Variants in ALK observed in about 807,000 individuals in gnomAD.
ALK encodes ALK receptor tyrosine kinase, also known as ALK tyrosine kinase receptor.
Under a neutral mutation model 163.1 loss-of-function variants are expected in ALK, and 74 were observed. The observed-to-expected ratio is 0.45, with a 90% CI of 0.38 to 0.55. The LOEUF (loss-of-function observed/expected upper bound fraction) is 0.55, where lower values mean the gene tolerates loss of function less well. Among genes scored for constraint, ALK ranks in the 20% least tolerant of loss-of-function variants. The pLI is 0.00. For synonymous variants in ALK, 960 were observed against 843.2 expected (o/e 1.14, Z -2.40); for missense variants, 2,063 against 2,105.3 (o/e 0.98, Z 0.39).
At position 29,251,148 on chromosome 2, in the gene ALK, T is replaced by C; in HGVS notation, c.2161A>G (p.Lys721Glu). 1 of 1,614,168 alleles carries C rather than the reference T, an allele frequency of 6.2e-7. No individual in the cohort carries two copies. Among genetic ancestry groups the C allele is most frequent in the Non-Finnish European group, 8.5e-7 (1 of 1,180,024 alleles). The change falls in exon 12 of 29, where the codon AAA becomes GAA. Residue 721 changes from lysine (K) to glutamate (E), a missense_variant. This residue lies in a region of ALK where 987 missense variants were observed against 939.5 expected (regional missense o/e 1.05). Coordinates refer to ENST00000389048, the MANE Select transcript of ALK (RefSeq NM_004304.5). ...GGCACCTTCCAGATCTGGATGCCTT[T>C]CAGGGGGCCCTCGCTCCCCACCTCC... is the stretch of plus-strand genomic sequence containing the variant. The part of the protein sequence containing the change: ...SVEVGSEGPL[K>E]GIQIWKVPAT...
chr2:29,911,042 T>C (rs535728503), intron 1 of ALK, among the ~76,000 whole-genome samples: 1 of 152,188 alleles, frequency 6.6e-6, no homozygotes, highest in East Asian at 1.9e-4. Context: ...ATCAGGAACA[T>C]TGAGGAAGAG....
intron 1 of ALK, among the ~76,000 whole-genome samples, chr2:29,908,188 T>C (rs1227909482): frequency 2.0e-5 from 3 of 152,074 alleles, no homozygotes; most frequent in African/African-American, 7.3e-5. Flanking sequence ...CAAATCAAAA[T>C]TCCAGACACA....
chr2:29,666,440 G>T (rs1677515725), intron 3 of ALK, among the ~76,000 whole-genome samples: 1 of 152,006 alleles, frequency 6.6e-6, no homozygotes, highest in South Asian at 2.1e-4. Flanking sequence ...CTTGATCAAT[G>T]CCCTTGTATC....
chr2:29,495,888 A>T (rs773684373), intron 4 of ALK, among the ~76,000 whole-genome samples: 7 of 152,228 alleles, frequency 4.6e-5, no homozygotes, highest in Non-Finnish European at 7.3e-5. Context: ...ATGATTTAGC[A>T]AGTCTACTTG....
chr2:29,671,071 G>C (rs765969031), intron 3 of ALK, among the ~76,000 whole-genome samples: 47 of 151,928 alleles, frequency 3.1e-4, no homozygotes, highest in Non-Finnish European at 2.8e-4. Flanking sequence ...GTTGGTATGT[G>C]TTTATATCTT....
At chr2:29,501,535 C>G (rs1672188412) in intron 4 of ALK, among the ~76,000 whole-genome samples, 1 of 152,202 alleles carries the variant, frequency 6.6e-6, no homozygotes, top group East Asian at 1.9e-4. Flanking sequence ...GTCCTTAGCA[C>G]TGCTTCATGT....
At chr2:29,765,330 T>A (rs1420010756) in intron 1 of ALK, among the ~76,000 whole-genome samples, 2 of 152,136 alleles carry the variant, frequency 1.3e-5, no homozygotes, top group African/African-American at 4.8e-5. Context: ...AATTCTCCCC[T>A]TCCTTCATTT....
chr2:29,502,688 A>ATT (rs56894924), intron 4 of ALK, among the ~76,000 whole-genome samples: 2 of 149,848 alleles, frequency 1.3e-5, no homozygotes, highest in African/African-American at 4.9e-5. Flanking sequence ...TGGGGCACAT[A>ATT]TTTTTTTTTT....
chr2:29,747,149 T>G (rs1444336595), intron 1 of ALK, among the ~76,000 whole-genome samples: 1 of 151,968 alleles, frequency 6.6e-6, no homozygotes, highest in Non-Finnish European at 1.5e-5. Flanking sequence ...AAAGCCCTCC[T>G]CAATTAAAAC....
chr2:29,910,243 G>T (rs949623867), intron 1 of ALK, among the ~76,000 whole-genome samples: 1 of 151,988 alleles, frequency 6.6e-6, no homozygotes, highest in Non-Finnish European at 1.5e-5. Context: ...TTATTACATG[G>T]GCTGGTTTAT....
chr2:29,526,986 G>T (rs950144040), intron 4 of ALK, among the ~76,000 whole-genome samples: 1 of 152,214 alleles, frequency 6.6e-6, no homozygotes, highest in Admixed American at 6.5e-5. Context: ...TCTTTGTCCA[G>T]GGAGCAGGAG....
intron 1 of ALK, among the ~76,000 whole-genome samples, chr2:29,836,843 T>A (rs1429931017): frequency 6.6e-6 from 1 of 152,214 alleles, no homozygotes; most frequent in Non-Finnish European, 1.5e-5. Context: ...ATGCTACAGT[T>A]CCTCCATATG....
intron 1 of ALK, among the ~76,000 whole-genome samples, chr2:29,909,821 G>T (rs1667653021): frequency 6.6e-6 from 1 of 152,076 alleles, no homozygotes; most frequent in Non-Finnish European, 1.5e-5. Flanking sequence ...ATAGAATAAA[G>T]ACTTCTCTAA....
intron 3 of ALK, among the ~76,000 whole-genome samples, chr2:29,673,621 A>G (rs1677777172): frequency 6.7e-6 from 1 of 148,842 alleles, no homozygotes; most frequent in South Asian, 2.2e-4. Flanking sequence ...TGATGCCTCC[A>G]GCTTTGTTCT....
At chr2:29,380,228 C>A (rs1668862600) in intron 5 of ALK, among the ~76,000 whole-genome samples, 1 of 151,856 alleles carries the variant, frequency 6.6e-6, no homozygotes, top group Non-Finnish European at 1.5e-5. Flanking sequence ...GCCTCAGCCT[C>A]CCGGGGAGCT....
At chr2:29,196,152 T>C (rs538287047) in intron 28 of ALK, among the ~76,000 whole-genome samples, 1 of 152,300 alleles carries the variant, frequency 6.6e-6, no homozygotes, top group African/African-American at 2.4e-5. Flanking sequence ...GAAGAATGTT[T>C]GACTTGGACA....
intron 4 of ALK, among the ~76,000 whole-genome samples, chr2:29,396,386 T>C (rs764880493): frequency 2.0e-5 from 3 of 152,030 alleles, no homozygotes; most frequent in Non-Finnish European, 4.4e-5. Flanking sequence ...TCTTTAAAAC[T>C]CAAACATGGC....
chr2:29,407,150 T>C (rs897979324), intron 4 of ALK, among the ~76,000 whole-genome samples: 2 of 152,204 alleles, frequency 1.3e-5, no homozygotes, highest in Non-Finnish European at 2.9e-5. Context: ...CGTGTCTAAC[T>C]GCCTACGATT....
At chr2:29,772,991 A>G (rs767670360) in intron 1 of ALK, among the ~76,000 whole-genome samples, 37 of 152,078 alleles carry the variant, frequency 2.4e-4, no homozygotes, top group Admixed American at 7.2e-4. Flanking sequence ...GAGTTCCCAC[A>G]TTTATCTTTG....
Sources: gnomAD v4.1 joint callset for allele counts (sites outside exome capture counted in the v4.1 genomes callset) on GRCh38, gnomAD v4.1.1 for gene constraint, gnomAD v4.1.1 regional missense constraint, MANE v1.5 for transcripts, NCBI Gene and HGNC (gene_info 2026-07-23, HGNC 2026-07-21) for gene names.